JARID2: variants seen among roughly 807,000 people sequenced by gnomAD.
JARID2 encodes the protein protein Jumonji.
JARID2 carries 21 observed loss-of-function variants against 125.6 expected under a neutral mutation model. That is an observed-to-expected ratio of 0.17 (90% CI 0.12 to 0.24). JARID2 has a LOEUF of 0.24. Among genes scored for constraint, JARID2 ranks in the 10% least tolerant of loss-of-function variants. JARID2 has a pLI of 1.00. For synonymous variants in JARID2, 736 were observed against 661.6 expected, an observed-to-expected ratio of 1.11 and a Z score of -1.73; for missense variants, 1,303 against 1,639.6, an observed-to-expected ratio of 0.79 and a Z score of 3.55.
At chr6:15,494,012 AGT>A (rs1166911831) in intron 6 of JARID2, among the ~76,000 whole-genome samples, 1 of 152,132 alleles carries the variant, frequency 6.6e-6, no homozygotes, top group Admixed American at 6.5e-5. Flanking sequence ...TAAGAGCCAG[AGT>A]GTGATTCCTG....
intron 5 of JARID2, among the ~76,000 whole-genome samples, chr6:15,472,583 C>T (rs1410281565): frequency 6.6e-6 from 1 of 152,174 alleles, no homozygotes; most frequent in African/African-American, 2.4e-5. Context: ...TTCAACCCAG[C>T]AGAGTCCCAG....
chr6:15,259,653 G>T (rs1332914509), intron 1 of JARID2, among the ~76,000 whole-genome samples: 1 of 152,220 alleles, frequency 6.6e-6, no homozygotes, highest in Non-Finnish European at 1.5e-5. Flanking sequence ...TAGGACAGGG[G>T]TTAGATGGGT....
At chr6:15,420,973 A>G (rs867943601) in intron 3 of JARID2, among the ~76,000 whole-genome samples, 1 of 152,170 alleles carries the variant, frequency 6.6e-6, no homozygotes, top group Non-Finnish European at 1.5e-5. Context: ...CCTAACACAA[A>G]TGTGCTTGTT....
chr6:15,520,186 G>C lies in JARID2; in HGVS notation c.3676G>C (p.Val1226Leu), dbSNP rs1270867464. Residue 1226 changes from valine (V) to leucine (L), a missense_variant, in exon 18 of 18, where the codon GTG becomes CTG. By Grantham distance (32) the Val-to-Leu change is conservative. Coordinates refer to ENST00000341776, the MANE Select transcript of JARID2 (RefSeq NM_004973.4). ...PKRGPRKRAT[V>L]DVPPSRLSAS... ...AAGAGGTCCCCGCAAGAGAGCGACAGTGGACGTGCCCCCCTCCCGTCTGTC... is the reference window on the plus strand; with the variant it reads ...AAGAGGTCCCCGCAAGAGAGCGACACTGGACGTGCCCCCCTCCCGTCTGTC... The C allele has an allele frequency of 6.2e-7, 1 of 1,613,910 alleles. No homozygotes were observed.
chr6:15,405,843 G>T (rs955610856), intron 2 of JARID2, among the ~76,000 whole-genome samples: 1 of 152,214 alleles, frequency 6.6e-6, no homozygotes. Flanking sequence ...TAATGGCTCT[G>T]TTGCCCTGTG....
At chr6:15,264,173 A>G (rs1304032140) in intron 1 of JARID2, among the ~76,000 whole-genome samples, 1 of 152,196 alleles carries the variant, frequency 6.6e-6, no homozygotes, top group African/African-American at 2.4e-5. Context: ...TTTGTGAAGC[A>G]GAGAGTGCGT....
intron 5 of JARID2, among the ~76,000 whole-genome samples, chr6:15,480,085 C>G (rs1166313297): frequency 6.6e-6 from 1 of 152,234 alleles, no homozygotes; most frequent in African/African-American, 2.4e-5. Flanking sequence ...ATTTAAATAT[C>G]TGGCTTGAGA....
intron 5 of JARID2, among the ~76,000 whole-genome samples, chr6:15,470,523 C>G (rs146039566): frequency 8.5e-5 from 13 of 152,342 alleles, no homozygotes; most frequent in African/African-American, 3.1e-4. Context: ...TTGGGCATTT[C>G]TGCTCTGTCC....
chr6:15,344,231 C>A (rs946375312), intron 1 of JARID2, among the ~76,000 whole-genome samples: 1 of 142,644 alleles, frequency 7.0e-6, no homozygotes, highest in Non-Finnish European at 1.5e-5. Flanking sequence ...TTTACTAATT[C>A]TGTTATTTTT....
intron 1 of JARID2, among the ~76,000 whole-genome samples, chr6:15,288,086 G>A (rs1370436257): frequency 6.6e-6 from 1 of 152,190 alleles, no homozygotes; most frequent in Non-Finnish European, 1.5e-5. Flanking sequence ...AAAGGGGAAG[G>A]CACATTGGTG....
chr6:15,318,171 A>G (rs1346832840), intron 1 of JARID2, among the ~76,000 whole-genome samples: 1 of 152,168 alleles, frequency 6.6e-6, no homozygotes, highest in Non-Finnish European at 1.5e-5. Flanking sequence ...GAACCCTGCC[A>G]CTGCACTGCA....
At chr6:15,494,988 AT>A (rs1446789223) in intron 6 of JARID2, among the ~76,000 whole-genome samples, 2 of 152,094 alleles carry the variant, frequency 1.3e-5, no homozygotes, top group East Asian at 3.9e-4. Flanking sequence ...TAATTTTGTG[AT>A]TTTTAGGCTT....
chr6:15,397,648 T>C (rs1173035392), intron 2 of JARID2, among the ~76,000 whole-genome samples: 2 of 152,238 alleles, frequency 1.3e-5, no homozygotes, highest in African/African-American at 4.8e-5. Flanking sequence ...TGACATGTTA[T>C]AGAAGGTCTT....
intron 1 of JARID2, among the ~76,000 whole-genome samples, chr6:15,289,706 C>T (rs1214737382): frequency 2.0e-5 from 3 of 152,060 alleles, no homozygotes; most frequent in African/African-American, 4.8e-5. Flanking sequence ...TACACACGGG[C>T]GTGGTGGTGT....
At chr6:15,427,803 C>T (rs1766795270) in intron 3 of JARID2, among the ~76,000 whole-genome samples, 1 of 151,926 alleles carries the variant, frequency 6.6e-6, no homozygotes, top group South Asian at 2.1e-4. Context: ...CTTGGAGTCA[C>T]CTGGTTTGTG....
chr6:15,408,497 G>A (rs902062168), intron 2 of JARID2, among the ~76,000 whole-genome samples: 2 of 152,110 alleles, frequency 1.3e-5, no homozygotes, highest in African/African-American at 2.4e-5. Flanking sequence ...TCCCCCACTC[G>A]CATAGTGACA....
At chr6:15,370,111 G>A (rs1438962018) in intron 1 of JARID2, among the ~76,000 whole-genome samples, 1 of 152,178 alleles carries the variant, frequency 6.6e-6, no homozygotes, top group African/African-American at 2.4e-5. Flanking sequence ...GCTTCGTTGA[G>A]TTTGTAATTG....
intron 6 of JARID2, among the ~76,000 whole-genome samples, chr6:15,494,516 C>CTTCT (rs1770314190): frequency 6.8e-6 from 1 of 148,126 alleles, no homozygotes; most frequent in Non-Finnish European, 1.5e-5. Flanking sequence ...TCACGCCGTT[C>CTTCT]TTCTGCCTCA....
At chr6:15,304,541 A>T (rs1761752915) in intron 1 of JARID2, among the ~76,000 whole-genome samples, 1 of 151,586 alleles carries the variant, frequency 6.6e-6, no homozygotes, top group African/African-American at 2.4e-5. Flanking sequence ...CCCTTCACAG[A>T]CTCCCATATC....
Sources: gnomAD v4.1 joint callset for allele counts (sites outside exome capture counted in the v4.1 genomes callset) on GRCh38, gnomAD v4.1.1 for gene constraint, MANE v1.5 for transcripts, NCBI Gene and HGNC (gene_info 2026-07-23, HGNC 2026-07-21) for gene names.